CASP1: variants seen among roughly 807,000 people sequenced by gnomAD.
CASP1 encodes caspase-1.
Under a neutral mutation model 41.2 loss-of-function variants are expected in CASP1, and 31 were observed. The ratio of observed to expected loss-of-function variants is 0.75; its 90% CI spans 0.57 to 1.02. The LOEUF (loss-of-function observed/expected upper bound fraction) is 1.02, where lower values mean the gene tolerates loss of function less well. CASP1 is among the 50% of genes least tolerant of loss of function. CASP1 has a pLI of 0.00. For synonymous variants in CASP1, 163 were observed against 166.5 expected (o/e 0.98, Z 0.16); for missense variants, 490 against 495.7 (o/e 0.99, Z 0.11).
rs1162103286 is a variant in CASP1, at chr11:105,029,178, T to C, written c.952A>G (p.Ile318Val). The change falls in exon 7 of 9, where the codon ATT (isoleucine) becomes GTT (valine). Residue 318 changes from isoleucine (I) to valine (V), a missense_variant. Coordinates refer to ENST00000533400, the MANE Select transcript of CASP1 (RefSeq NM_001257118.3). ...TCCTTCTCTATGTGGGCTTTCTTAA[T>C]AGCATCATCCTCAAACTCTTCTGTA... is the stretch of plus-strand genomic sequence containing the variant. ...PTTEEFEDDA[I>V]KKAHIEKDFI... 1.9e-6 allele frequency: 3 copies of C among 1,613,404 alleles called. No individual in the cohort carries two copies. Among genetic ancestry groups the C allele is most frequent in the East Asian group, 4.5e-5 (2 of 44,854 alleles).
At chr11:105,031,778 C>G (rs541582810) in intron 3 of CASP1, among the ~76,000 whole-genome samples, 2 of 151,940 alleles carry the variant, frequency 1.3e-5, no homozygotes, top group Non-Finnish European at 2.9e-5. Flanking sequence ...TTTAATGAAT[C>G]TTTGTCCTGT....
rs1220708835 is a variant in CASP1 at position 105,029,844 on chromosome 11, T to C, written c.683A>G (p.Asp228Gly). The C allele has an allele frequency of 4.3e-6, 7 of 1,613,840 alleles. No homozygotes were observed. The highest frequency in any genetic ancestry group is 1.7e-4 in the Middle Eastern group (1 of 6,060). ...FAHRPEHKTS[D>G]STFLVFMSHG... ...AGACATGAACACCAGGAACGTGCTGTCAGAGGTCTTGTGCTCTGGGCGGTG... is the reference window on the plus strand; with the variant it reads ...AGACATGAACACCAGGAACGTGCTGCCAGAGGTCTTGTGCTCTGGGCGGTG... Residue 228 changes from aspartate to glycine, a missense_variant, in exon 6 of 9, where the codon GAC becomes GGC. By Grantham distance (94) the Asp-to-Gly change is moderately conservative (BLOSUM62 -1). Coordinates refer to ENST00000533400, the MANE Select transcript of CASP1 (RefSeq NM_001257118.3).
chr11:105,035,519 C>T (rs897502397), upstream of CASP1, among the ~76,000 whole-genome samples: 1 of 151,862 alleles, frequency 6.6e-6, no homozygotes, highest in East Asian at 1.9e-4. Context: ...ATGTATGTCC[C>T]TGTGAAACAT....
At chr11:105,034,004 T>C in intron 2 of CASP1, 1 of 894,038 alleles carries the variant, frequency 1.1e-6, no homozygotes, top group Non-Finnish European at 1.9e-6. Context: ...AAATGAGCTT[T>C]AATCAGAAGA....
At chr11:105,033,841 C>T in intron 2 of CASP1, 2 of 567,744 alleles carry the variant, frequency 3.5e-6, no homozygotes, top group Non-Finnish European at 3.3e-6. Context: ...GACTTTACAA[C>T]TACATAAGTG....
chr11:105,032,962 A>G (rs1450462962), intron 3 of CASP1, 102 bp downstream of exon 3: 14 of 715,168 alleles, frequency 2.0e-5, no homozygotes, highest in Admixed American at 1.0e-4. Context: ...TGACCAATCT[A>G]TGAGAATTCT....
intron 5 of CASP1, 95 bp downstream of exon 5, chr11:105,030,235 G>A (rs1418469433): frequency 1.9e-6 from 2 of 1,044,656 alleles, no homozygotes; most frequent in Non-Finnish European, 2.8e-6. Context: ...AGATTATCAA[G>A]AGATTACATT....
intron 1 of CASP1, chr11:105,034,681 T>C: frequency 1.2e-6 from 1 of 817,902 alleles, no homozygotes; most frequent in South Asian, 1.8e-5. Flanking sequence ...GAAGACTGAG[T>C]TTACCATTTC....
rs2134854787 is a variant in CASP1, at chr11:105,033,125, A to G, written c.276T>C (p.Asp92=). Residue 92 remains aspartate, a splice_region_variant and synonymous_variant, in exon 3 of 9, where the codon GAT becomes GAC. Coordinates refer to ENST00000533400, the MANE Select transcript of CASP1 (RefSeq NM_001257118.3). ...TATTAAGGTAATTTCCAGATGTTTG[A>G]TCTATGAAAAGATAAAGGGTATTGA... ...YLAGTLGLSA[D]QTSGNYLNMQ... is the part of the protein sequence containing the mutation. 2 of 1,563,800 alleles carry G rather than the reference A, an allele frequency of 1.3e-6. No homozygotes were observed. The highest frequency in any genetic ancestry group is 2.2e-5 in the East Asian group (1 of 44,550).
At chr11:105,026,594 G>A (rs1863304184) in intron 8 of CASP1, 1 of 600,632 alleles carries the variant, frequency 1.7e-6, no homozygotes, top group Non-Finnish European at 2.9e-6. Context: ...GTAAATTAGA[G>A]TCCATTCATT....
chr11:105,035,616 C>CTTTTTTTTTTTTTTTTTTTTTTTT (rs770202897), upstream of CASP1, among the ~76,000 whole-genome samples: 48 of 52,034 alleles, frequency 9.2e-4, 3 homozygotes, highest in Non-Finnish European at 1.1e-3. Flanking sequence ...TTTTTTCTTT[C>CTTTTTTTTTTTTTTTTTTTTTTTT]TGTTTTTTTT....
In CASP1 at chr11:105,029,739, T is replaced by C. The variant is rs139695105; in HGVS notation, c.788A>G (p.Asn263Ser). 1.2e-3 allele frequency: 1,912 copies of C among 1,613,674 alleles called. 1 individual carries two copies. Among genetic ancestry groups the C allele is most frequent in the Non-Finnish European group, 1.4e-3 (1,682 of 1,179,722 alleles). ...PDILQLNAIF[N>S]MLNTKNCPSL... The stretch of plus-strand genomic sequence containing the variant: ...TGGGCAGTTCTTGGTATTCAACATG[T>C]TAAAGATTGCATTGAGTTGTAGTAT... The change falls in exon 6 of 9, where the codon AAC (asparagine) becomes AGC (serine). Residue 263 changes from asparagine (N) to serine (S), a missense_variant. Physicochemically the swap from Asn to Ser is conservative, Grantham distance 46. Coordinates refer to ENST00000533400, the MANE Select transcript of CASP1 (RefSeq NM_001257118.3).
chr11:105,026,028 C>A lies in CASP1; in HGVS notation c.*230G>T. The A allele has an allele frequency of 2.5e-6, 1 of 400,186 alleles. No homozygotes were observed. The highest frequency in any genetic ancestry group is 4.5e-6 in the Non-Finnish European group (1 of 223,138). The allele number at this position is 400,186 out of a possible 1,614,324, so 24.8% of individuals were successfully genotyped here. A position where few individuals can be genotyped will look rare whatever the true frequency, so the allele number is the denominator to read the frequency against. ...TGGTTTAGCATCCCTAATCCAAAAA[C>A]CTATAATTTGAAATGTTTCAATAAA... On this transcript the variant is annotated 3_prime_UTR_variant, in exon 9 of 9. Transcript: ENST00000533400.
At chr11:105,033,874 C>A (rs936861815) in intron 2 of CASP1, 2 of 631,084 alleles carry the variant, frequency 3.2e-6, no homozygotes, top group Middle Eastern at 5.3e-4. Flanking sequence ...TTGCACTCAG[C>A]AAAAATAAAT....
upstream of CASP1, among the ~76,000 whole-genome samples, chr11:105,035,624 T>TTTTTGTTTTTG (rs1404022040): frequency 3.6e-5 from 5 of 139,632 alleles, no homozygotes; most frequent in East Asian, 1.0e-3. Context: ...TTCTGTTTTT[T>TTTTTGTTTTTG]TTTTTTTCTG....
upstream of CASP1, among the ~76,000 whole-genome samples, chr11:105,036,253 G>A (rs144150750): frequency 3.6e-3 from 545 of 152,258 alleles, 7 homozygotes; most frequent in African/African-American, 0.013. Context: ...TTTATCTTTT[G>A]TTAGAATCCT....
intron 4 of CASP1, 196 bp downstream of exon 4, chr11:105,030,968 CG>C (rs1863654719): frequency 3.8e-6 from 2 of 530,788 alleles, no homozygotes; most frequent in Non-Finnish European, 6.9e-6. Flanking sequence ...TTATTTACCC[CG>C]GAAGTGGATC....
intron 5 of CASP1, 131 bp from the exon 6 acceptor site, chr11:105,030,030 T>A: frequency 2.7e-6 from 2 of 732,400 alleles, no homozygotes; most frequent in Non-Finnish European, 4.5e-6. Context: ...CAAAAAAAAA[T>A]TTAGTCTTAG....
upstream of CASP1, among the ~76,000 whole-genome samples, chr11:105,035,812 C>T: frequency 6.6e-6 from 1 of 151,880 alleles, no homozygotes; most frequent in Non-Finnish European, 1.5e-5. Flanking sequence ...GACAGGGTCT[C>T]CTTGTGTTTC....
Sources: gnomAD v4.1 joint callset for allele counts (sites outside exome capture counted in the v4.1 genomes callset) on GRCh38, gnomAD v4.1.1 for gene constraint, MANE v1.5 for transcripts, NCBI Gene and HGNC (gene_info 2026-07-23, HGNC 2026-07-21) for gene names.